CSNK1D: variants seen among roughly 807,000 people sequenced by gnomAD.
CSNK1D encodes the protein casein kinase I isoform delta.
In CSNK1D, 16 loss-of-function variants were observed where a neutral mutation model predicts 46.6. That is an observed-to-expected ratio of 0.34 (90% CI 0.23 to 0.52). CSNK1D has a LOEUF of 0.52. CSNK1D is among the 20% of genes least tolerant of loss of function. The pLI is 0.95. For synonymous variants in CSNK1D, 276 were observed against 228.2 expected, an observed-to-expected ratio of 1.21 and a Z score of -1.89; for missense variants, 398 against 578.4, an observed-to-expected ratio of 0.69 and a Z score of 3.20.
rs1347668546 is a variant in CSNK1D at position 82,252,754 on chromosome 17, C to T, written c.566-150G>A. 1 of 851,352 alleles carries T rather than the reference C, an allele frequency of 1.2e-6. No individual in the cohort carries two copies. The highest frequency in any genetic ancestry group is 1.9e-6 in the Non-Finnish European group (1 of 523,908). 52.7% of individuals were successfully genotyped at this position (851,352 alleles called of 1,614,324 possible). A position where few individuals can be genotyped will look rare whatever the true frequency, so the allele number is the denominator to read the frequency against. ...ACTTCCAGTGGAGACGAACCTCGGACACACATGCCCAGATCACTCTCACCC... is the reference window on the plus strand; with the variant it reads ...ACTTCCAGTGGAGACGAACCTCGGATACACATGCCCAGATCACTCTCACCC... On this transcript the variant is annotated intron_variant, in intron 4 of 8. Transcript: ENST00000314028. This position sits in a 1 kb window ranked among gnomAD's most constrained non-coding sequence, Gnocchi z 4.6.
chr17:82,256,161 AG>A (rs2051169475), intron 2 of CSNK1D, among the ~76,000 whole-genome samples: 1 of 152,262 alleles, frequency 6.6e-6, no homozygotes, highest in Non-Finnish European at 1.5e-5. Flanking sequence ...TAAATCCAAC[AG>A]GAAGAATTTA....
At position 82,255,344 on chromosome 17, in the gene CSNK1D, CATA is replaced by C. The variant is rs1374253216; in HGVS notation, c.336+82_336+84del. ...TCCATTTCCTCTGTGAATTAATGGC[CATA>C]ATAATGGCAAGAACAGCACAAGCGA... is the stretch of plus-strand genomic sequence containing the variant. On this transcript the variant is annotated intron_variant, in intron 3 of 8. Coordinates refer to ENST00000314028, the MANE Select transcript of CSNK1D (RefSeq NM_001893.6). The surrounding 1 kb of genome is among the most constrained non-coding windows in gnomAD (Gnocchi z 5.9). 1.3e-5 allele frequency: 20 copies of C among 1,493,036 alleles called. No homozygotes were observed. Among genetic ancestry groups the C allele is most frequent in the Non-Finnish European group, 1.7e-5 (18 of 1,070,694 alleles). The allele number at this position is 1,493,036 out of a possible 1,614,324, so 92.5% of individuals were successfully genotyped here. A position where few individuals can be genotyped will look rare whatever the true frequency, so the allele number is the denominator to read the frequency against.
intron 2 of CSNK1D, among the ~76,000 whole-genome samples, chr17:82,262,567 G>A (rs1018684873): frequency 6.6e-6 from 1 of 152,158 alleles, no homozygotes; most frequent in Non-Finnish European, 1.5e-5. Context: ...AAGGAAAACC[G>A]CAATGAGTGG....
chr17:82,241,478 G>A (rs970946453), downstream of CSNK1D, among the ~76,000 whole-genome samples: 13 of 152,230 alleles, frequency 8.5e-5, no homozygotes, highest in South Asian at 4.1e-4. Flanking sequence ...TCATGCCCCC[G>A]CAGATGAGAT....
chr17:82,264,500 G>A (rs2051417362), intron 2 of CSNK1D, among the ~76,000 whole-genome samples: 1 of 152,228 alleles, frequency 6.6e-6, no homozygotes, highest in African/African-American at 2.4e-5. Context: ...TGGAACACCA[G>A]GTACCTAAGG....
At chr17:82,265,578 CT>C (rs2051447964) in intron 2 of CSNK1D, 107 bp downstream of exon 2, 4 of 881,004 alleles carry the variant, frequency 4.5e-6, no homozygotes, top group Non-Finnish European at 7.7e-6. Context: ...ACTTCCCTCC[CT>C]TTTGCCCAGA....
chr17:82,271,550 C>A (rs916145339), intron 1 of CSNK1D, among the ~76,000 whole-genome samples: 2 of 152,230 alleles, frequency 1.3e-5, no homozygotes, highest in Non-Finnish European at 2.9e-5. Flanking sequence ...CAGCTGACCA[C>A]CTGGTATAAA....
chr17:82,248,546 C>A lies in CSNK1D; in HGVS notation c.1197+329G>T, dbSNP rs987178941. The stretch of plus-strand genomic sequence containing the variant: ...GCACCCACAATGGGGCGCAAGCAGG[C>A]GAGCGGTGTCAGCTGCCTGGGGACG... On this transcript the variant is annotated intron_variant, in intron 8 of 8. Transcript: ENST00000314028. This position sits in a 1 kb window ranked among gnomAD's most constrained non-coding sequence, Gnocchi z 4.1. 3.4e-6 allele frequency: 4 copies of A among 1,185,236 alleles called. No individual in the cohort carries two copies. Among genetic ancestry groups the A allele is most frequent in the Non-Finnish European group, 4.2e-6 (4 of 947,584 alleles). The allele number at this position is 1,185,236 out of a possible 1,614,324, so 73.4% of individuals were successfully genotyped here.
intron 8 of CSNK1D, chr17:82,247,582 C>CCGCA: frequency 1.0e-6 from 1 of 985,458 alleles, no homozygotes; most frequent in South Asian, 4.7e-5. Flanking sequence ...ACAGAGCCAG[C>CCGCA]CGCACATCAA....
downstream of CSNK1D, among the ~76,000 whole-genome samples, chr17:82,242,217 G>GT (rs1171675058): frequency 6.6e-6 from 1 of 151,488 alleles, no homozygotes; most frequent in Non-Finnish European, 1.5e-5. Context: ...TGCTCTGGGG[G>GT]GGGGGGGAAG....
chr17:82,248,180 A>G lies in CSNK1D; in HGVS notation c.1197+695T>C. The G allele has an allele frequency of 1.0e-6, 1 of 985,570 alleles. No individual in the cohort carries two copies. The highest frequency in any genetic ancestry group is 1.2e-6 in the Non-Finnish European group (1 of 830,002). 61.1% of individuals were successfully genotyped at this position (985,570 alleles called of 1,614,324 possible). On this transcript the variant is annotated intron_variant, in intron 8 of 8. Coordinates refer to ENST00000314028, the MANE Select transcript of CSNK1D (RefSeq NM_001893.6). The surrounding 1 kb of genome is among the most constrained non-coding windows in gnomAD (Gnocchi z 4.1). ...CCCTGCCCCTGTTGGCGAACAACCC[A>G]GAAAACTATTTGAAGAAATATAATG...
chr17:82,251,514 T>C lies in CSNK1D; in HGVS notation c.750A>G (p.Thr250=), dbSNP rs2051007928. The change falls in exon 6 of 9, where the codon ACA becomes ACG. Residue 250 remains threonine (T), a synonymous_variant. Coordinates refer to ENST00000314028, the MANE Select transcript of CSNK1D (RefSeq NM_001893.6). This position sits in a 1 kb window ranked among gnomAD's most constrained non-coding sequence, Gnocchi z 4.5. ...GCAAGGAACGGCAGAAATTCAGGTA[T>C]GTGGCAAATTCGGCTACAAAACAAG... The part of the protein sequence containing the change: ...LCKGYPSEFA[T]YLNFCRSLRF... 3 of 1,613,982 alleles carry C rather than the reference T, an allele frequency of 1.9e-6. No individual in the cohort carries two copies. The highest frequency in any genetic ancestry group is 4.5e-5 in the East Asian group (2 of 44,878).
downstream of CSNK1D, among the ~76,000 whole-genome samples, chr17:82,240,627 CCCT>C (rs1273747491): frequency 2.0e-5 from 3 of 152,188 alleles, no homozygotes; most frequent in African/African-American, 7.2e-5. Flanking sequence ...CAACTGTCAC[CCCT>C]CGTCTGCCCC....
intron 1 of CSNK1D, among the ~76,000 whole-genome samples, chr17:82,270,254 G>A (rs1252857834): frequency 2.0e-5 from 3 of 152,124 alleles, no homozygotes; most frequent in Non-Finnish European, 4.4e-5. Flanking sequence ...GTGAGCACCC[G>A]CCCTCCAACT....
At chr17:82,245,995 G>T in intron 8 of CSNK1D, 1 of 1,608,912 alleles carries the variant, frequency 6.2e-7, no homozygotes. Flanking sequence ...CCTTCCGATG[G>T]GAGACGAGCA....
intron 2 of CSNK1D, chr17:82,265,201 C>G: frequency 5.4e-6 from 1 of 186,264 alleles, no homozygotes; most frequent in Admixed American, 5.5e-5. Flanking sequence ...TTGGGGGGGA[C>G]AGGGTCTCAC....
In CSNK1D at chr17:82,245,913, T is replaced by TG. The variant is rs1461048770; in HGVS notation, c.1198-1083dup. ...CAGCCCACCTGCAAGCTCCCATGGG[T>TG]GGGGCATGGTGGCTCCCACCCACCT... On this transcript the variant is annotated intron_variant, in intron 8 of 8. Coordinates refer to ENST00000314028, the MANE Select transcript of CSNK1D (RefSeq NM_001893.6). The TG allele has an allele frequency of 3.3e-6, 5 of 1,509,582 alleles. No individual in the cohort carries two copies. In the Admixed American group the frequency reaches 7.7e-5, roughly 23 times the overall value. 93.5% of individuals were successfully genotyped at this position (1,509,582 alleles called of 1,614,324 possible).
intron 8 of CSNK1D, chr17:82,247,446 G>C (rs2050879039): frequency 3.0e-6 from 3 of 985,464 alleles, no homozygotes; most frequent in Non-Finnish European, 3.6e-6. Context: ...TTCTTTAAAA[G>C]AAACAAAAAG....
chr17:82,239,347 G>A (rs577448446), downstream of CSNK1D: 18 of 203,490 alleles, frequency 8.8e-5, no homozygotes, highest in African/African-American at 3.9e-4. Flanking sequence ...CAGGTGCTGC[G>A]TGGGGCCCTC....
Sources: gnomAD v4.1 joint callset for allele counts (sites outside exome capture counted in the v4.1 genomes callset) on GRCh38, gnomAD v4.1.1 for gene constraint, Gnocchi (gnomAD v3.1) non-coding constraint, MANE v1.5 for transcripts, NCBI Gene and HGNC (gene_info 2026-07-23, HGNC 2026-07-21) for gene names.